ANGPT2: variants seen among roughly 807,000 people sequenced by gnomAD.
ANGPT2 encodes angiopoietin-2.
A neutral mutation model predicts 62.9 loss-of-function variants in ANGPT2; 28 were observed. The observed-to-expected ratio is 0.44, with a 90% CI of 0.33 to 0.61. The LOEUF (loss-of-function observed/expected upper bound fraction) is 0.61, where lower values mean the gene tolerates loss of function less well. Among genes scored for constraint, ANGPT2 ranks in the 20% least tolerant of loss-of-function variants. ANGPT2 has a pLI of 0.03. For missense variants in ANGPT2, 727 were observed against 594.9 expected, an observed-to-expected ratio of 1.22 and a Z score of -2.31; for synonymous variants, 284 against 207.8, an observed-to-expected ratio of 1.37 and a Z score of -3.15.
Position 6,527,663 on chromosome 8 carries a change from G to T in ANGPT2, c.458C>A (p.Thr153Asn), listed in dbSNP as rs748520064. 7 of 1,613,456 alleles carry T rather than the reference G, an allele frequency of 4.3e-6. No individual in the cohort carries two copies. Among genetic ancestry groups the T allele is most frequent in the African/African-American group, 1.3e-5 (1 of 74,878 alleles). The change falls in exon 3 of 9, where the codon ACC (threonine) becomes AAC (asparagine). Residue 153 changes from threonine (T) to asparagine (N), a missense_variant. Coordinates refer to ENST00000629816, the MANE Select transcript of ANGPT2 (RefSeq NM_001118887.2). ...CAAGAGCTGAAGTTCAAGTCTCGTGGTCTGATTTAATACCTAAATGTAACA... is the reference window on the plus strand; with the variant it reads ...CAAGAGCTGAAGTTCAAGTCTCGTGTTCTGATTTAATACCTAAATGTAACA... The part of the protein sequence containing the change: ...TDVEAQVLNQ[T>N]TRLELQLLEH...
At position 6,563,083 on chromosome 8, in the gene ANGPT2, T is replaced by G; in HGVS notation, c.-149A>C. On this transcript the variant is annotated 5_prime_UTR_variant, in exon 1 of 9. Coordinates refer to ENST00000629816, the MANE Select transcript of ANGPT2 (RefSeq NM_001118887.2). The stretch of plus-strand genomic sequence containing the variant: ...AGTCTTCTCTTTCCTCTTTTTCCAG[T>G]AGCAAACCTGGTTTTTACTGCTGTG... The G allele has an allele frequency of 6.0e-6, 5 of 833,932 alleles. No homozygotes were observed. The highest frequency in any genetic ancestry group is 9.0e-6 in the Non-Finnish European group (5 of 558,156). The allele number at this position is 833,932 out of a possible 1,614,324, so 51.7% of individuals were successfully genotyped here.
chr8:6,505,175 AAT>A (rs3045054), intron 8 of ANGPT2, among the ~76,000 whole-genome samples: 20 of 95,764 alleles, frequency 2.1e-4, no homozygotes, highest in Non-Finnish European at 3.7e-4. Context: ...TATGCCAAAG[AAT>A]ATATATATAT....
intron 2 of ANGPT2, among the ~76,000 whole-genome samples, chr8:6,528,367 C>T (rs1401818470): frequency 6.6e-6 from 1 of 152,178 alleles, no homozygotes; most frequent in African/African-American, 2.4e-5. Flanking sequence ...TTGCCGAAAA[C>T]AAAATGCTAT....
intron 8 of ANGPT2, among the ~76,000 whole-genome samples, chr8:6,507,327 T>G (rs1171967392): frequency 6.6e-6 from 1 of 152,236 alleles, no homozygotes; most frequent in Admixed American, 6.5e-5. Context: ...GGTAACATAT[T>G]AATTTTTGCA....
intron 8 of ANGPT2, among the ~76,000 whole-genome samples, chr8:6,503,592 C>T (rs1408214050): frequency 6.6e-6 from 1 of 152,198 alleles, no homozygotes; most frequent in African/African-American, 2.4e-5. Context: ...ACATCTGAGG[C>T]ACAGTTGGAA....
intron 1 of ANGPT2, among the ~76,000 whole-genome samples, chr8:6,562,398 T>C (rs984402958): frequency 6.6e-6 from 1 of 152,062 alleles, no homozygotes. Flanking sequence ...TTTCTAACTT[T>C]AGAGATTTTC....
chr8:6,504,927 G>C (rs1812980127), intron 8 of ANGPT2, among the ~76,000 whole-genome samples: 1 of 151,900 alleles, frequency 6.6e-6, no homozygotes, highest in East Asian at 1.9e-4. Flanking sequence ...CTGTAACCTT[G>C]ATTTTACATA....
intron 8 of ANGPT2, among the ~76,000 whole-genome samples, chr8:6,505,226 T>A (rs1025808352): frequency 0.01 from 543 of 52,898 alleles, 95 homozygotes; most frequent in African/African-American, 0.057. Flanking sequence ...TATATATTCT[T>A]ATGTATATAT....
At chr8:6,553,825 TG>T (rs1205794440) in intron 1 of ANGPT2, among the ~76,000 whole-genome samples, 1 of 152,106 alleles carries the variant, frequency 6.6e-6, no homozygotes, top group African/African-American at 2.4e-5. Context: ...AAGTCCCACG[TG>T]ATTCAGCCAC....
chr8:6,536,501 C>T (rs1413813813), intron 1 of ANGPT2, among the ~76,000 whole-genome samples: 1 of 152,098 alleles, frequency 6.6e-6, no homozygotes, highest in Non-Finnish European at 1.5e-5. Flanking sequence ...ACCCACCCCT[C>T]AGTGGAGGGC....
chr8:6,527,105 A>G (rs1818478372), intron 3 of ANGPT2, among the ~76,000 whole-genome samples: 1 of 152,228 alleles, frequency 6.6e-6, no homozygotes, highest in East Asian at 1.9e-4. Context: ...TCAAGTTAAT[A>G]CTGAAATAAA....
At chr8:6,525,518 C>T (rs895578636) in intron 3 of ANGPT2, among the ~76,000 whole-genome samples, 1 of 152,228 alleles carries the variant, frequency 6.6e-6, no homozygotes, top group Non-Finnish European at 1.5e-5. Flanking sequence ...GCATGAGCCA[C>T]TGTGCCTGGC....
chr8:6,532,224 G>C, intron 2 of ANGPT2, 108 bp downstream of exon 2: 1 of 1,254,210 alleles, frequency 8.0e-7, no homozygotes, highest in South Asian at 1.3e-5. Context: ...TTCTCCTGTG[G>C]TGGTGCTTTC....
rs1366394784 is a variant in ANGPT2 at position 6,521,226 on chromosome 8, G to C, written c.751C>G (p.Leu251Val). Residue 251 changes from leucine (L) to valine (V), a missense_variant, in exon 4 of 9, where the codon CTC becomes GTC. Coordinates refer to ENST00000629816, the MANE Select transcript of ANGPT2 (RefSeq NM_001118887.2). ...AGTAAGTTATTAACTGTCTCCATGA[G>C]ATCATGTTGCTGCTTCTGAAGAACT... ...NSVLQKQQHD[L>V]METVNNLLTM... 2 of 1,613,906 alleles carry C rather than the reference G, an allele frequency of 1.2e-6. No homozygotes were observed. Among genetic ancestry groups the C allele is most frequent in the East Asian group, 4.5e-5 (2 of 44,818 alleles).
chr8:6,509,363 G>C (rs1464771393), intron 7 of ANGPT2, among the ~76,000 whole-genome samples: 2 of 152,216 alleles, frequency 1.3e-5, no homozygotes, highest in African/African-American at 2.4e-5. Flanking sequence ...AAACAGAAGA[G>C]AAAGAAATGC....
chr8:6,525,858 C>A lies in ANGPT2; in HGVS notation c.566+1697G>T, dbSNP rs1195997134. 2.0e-5 allele frequency among the ~76,000 whole-genome samples: 3 copies of A among 152,202 alleles called. No individual in the cohort carries two copies. The East Asian group carries it at 5.8e-4, about 29-fold the overall frequency. On this transcript the variant is annotated intron_variant, in intron 3 of 8. Transcript: ENST00000629816. Reference sequence around the variant, plus strand: ...TTCTTCCTACAGGCATAGTTGAAAGCCAATATGATTGGAAAAATATTTGCA... The same window carrying A: ...TTCTTCCTACAGGCATAGTTGAAAGACAATATGATTGGAAAAATATTTGCA...
At chr8:6,523,903 T>TC (rs1175688732) in intron 3 of ANGPT2, among the ~76,000 whole-genome samples, 1 of 151,852 alleles carries the variant, frequency 6.6e-6, no homozygotes, top group Non-Finnish European at 1.5e-5. Context: ...TTTTTTTTTT[T>TC]TTAATAAGAT....
chr8:6,526,007 A>G (rs1050271149), intron 3 of ANGPT2, among the ~76,000 whole-genome samples: 2 of 152,200 alleles, frequency 1.3e-5, no homozygotes, highest in Non-Finnish European at 2.9e-5. Flanking sequence ...AACTGGACAT[A>G]TCCTAGGTTT....
At chr8:6,551,480 G>C (rs189808807) in intron 1 of ANGPT2, among the ~76,000 whole-genome samples, 1 of 152,332 alleles carries the variant, frequency 6.6e-6, no homozygotes, top group East Asian at 1.9e-4. Flanking sequence ...GAGCCATGCT[G>C]TACTTGAAAA....
Sources: gnomAD v4.1 joint callset for allele counts (sites outside exome capture counted in the v4.1 genomes callset) on GRCh38, gnomAD v4.1.1 for gene constraint, MANE v1.5 for transcripts, NCBI Gene and HGNC (gene_info 2026-07-23, HGNC 2026-07-21) for gene names.